Variants in DGKB observed in about 807,000 individuals in gnomAD.
DGKB encodes the protein 90 kDa diacylglycerol kinase.
A neutral mutation model predicts 114.3 loss-of-function variants in DGKB; 67 were observed. The observed-to-expected ratio is 0.59, with a 90% CI of 0.48 to 0.72. DGKB has a LOEUF of 0.72. DGKB is among the 30% of genes least tolerant of loss of function. The probability of loss-of-function intolerance (pLI) is 0.00; values close to 1 mark genes in which losing one functional copy is unlikely to be tolerated. For missense variants in DGKB, 907 were observed against 975.2 expected, an observed-to-expected ratio of 0.93 and a Z score of 0.93; for synonymous variants, 398 against 323.1, an observed-to-expected ratio of 1.23 and a Z score of -2.49.
At chr7:14,518,117 A>G (rs1244685670) in intron 20 of DGKB, among the ~76,000 whole-genome samples, 1 of 152,164 alleles carries the variant, frequency 6.6e-6, no homozygotes, top group East Asian at 1.9e-4. Flanking sequence ...TACACTATGG[A>G]ATACTATGCA....
chr7:14,713,443 G>T (rs1027449049), intron 6 of DGKB, among the ~76,000 whole-genome samples: 1 of 151,938 alleles, frequency 6.6e-6, no homozygotes, highest in African/African-American at 2.4e-5. Context: ...AAAATCAGCT[G>T]CTTAGGTGTG....
At chr7:14,189,711 G>T (rs1279435446) in intron 23 of DGKB, among the ~76,000 whole-genome samples, 1 of 152,064 alleles carries the variant, frequency 6.6e-6, no homozygotes, top group Non-Finnish European at 1.5e-5. Context: ...GATAGAAAAA[G>T]ATATTCCGTG....
At chr7:14,306,027 C>T (rs980188429) in intron 23 of DGKB, among the ~76,000 whole-genome samples, 3 of 152,118 alleles carry the variant, frequency 2.0e-5, no homozygotes, top group African/African-American at 4.8e-5. Context: ...TAGATTTATT[C>T]ATCTAGTTGG....
At chr7:14,570,886 T>G (rs1798282807) in intron 20 of DGKB, among the ~76,000 whole-genome samples, 1 of 152,120 alleles carries the variant, frequency 6.6e-6, no homozygotes, top group Admixed American at 6.5e-5. Flanking sequence ...AAAGGTCAAG[T>G]GTATTTCTGT....
chr7:14,243,787 G>A (rs1794011291), intron 23 of DGKB, among the ~76,000 whole-genome samples: 3 of 151,996 alleles, frequency 2.0e-5, no homozygotes, highest in Admixed American at 2.0e-4. Context: ...CTACAATATT[G>A]TCAGATCTTG....
At chr7:14,298,410 T>C (rs532455725) in intron 23 of DGKB, among the ~76,000 whole-genome samples, 27 of 152,170 alleles carry the variant, frequency 1.8e-4, no homozygotes, top group Non-Finnish European at 3.1e-4. Context: ...CACATATCTA[T>C]AACCATCTGA....
intron 20 of DGKB, among the ~76,000 whole-genome samples, chr7:14,536,578 C>T (rs1021501466): frequency 3.3e-5 from 5 of 152,104 alleles, no homozygotes; most frequent in African/African-American, 1.2e-4. Context: ...AAAACAATCT[C>T]AAAAGATGTT....
intron 20 of DGKB, among the ~76,000 whole-genome samples, chr7:14,558,979 G>A (rs1796264932): frequency 6.6e-6 from 1 of 152,170 alleles, no homozygotes; most frequent in African/African-American, 2.4e-5. Flanking sequence ...TGAAGCAATT[G>A]AACAAAGCAG....
chr7:14,630,379 A>C, intron 13 of DGKB, 111 bp from the exon 14 acceptor site: 1 of 663,474 alleles, frequency 1.5e-6, no homozygotes, highest in Non-Finnish European at 2.4e-6. Context: ...GTAAATTAAA[A>C]ATACATTTCC....
chr7:14,701,290 C>G (rs1563955124), intron 7 of DGKB, among the ~76,000 whole-genome samples: 1 of 152,116 alleles, frequency 6.6e-6, no homozygotes, highest in Non-Finnish European at 1.5e-5. Flanking sequence ...CTTTATACAT[C>G]CTTAAAATTC....
chr7:14,310,393 A>G (rs942806466), intron 23 of DGKB, among the ~76,000 whole-genome samples: 1 of 151,838 alleles, frequency 6.6e-6, no homozygotes, highest in East Asian at 1.9e-4. Context: ...AGAAACATAG[A>G]TGTAGATTTC....
intron 21 of DGKB, among the ~76,000 whole-genome samples, chr7:14,350,873 T>C (rs1813314918): frequency 6.6e-6 from 1 of 152,128 alleles, no homozygotes; most frequent in Non-Finnish European, 1.5e-5. Context: ...AAATTAAATA[T>C]TTAATTACTA....
chr7:14,768,233 G>A lies in DGKB; in HGVS notation c.71-10502C>T, dbSNP rs117647355. ...ACTTTATGCATCCACTCATCTTTATGGTATGTCCGGAGGCATGAAGCTTTA... is the reference window on the plus strand; with the variant it reads ...ACTTTATGCATCCACTCATCTTTATAGTATGTCCGGAGGCATGAAGCTTTA... On this transcript the variant is annotated intron_variant, in intron 2 of 25. Transcript: ENST00000402815. Among the ~76,000 whole-genome samples the A allele has an allele frequency of 1.8e-3, 267 of 151,978 alleles. 5 individuals are homozygous for A. In the East Asian group the frequency reaches 0.044, roughly 25 times the overall value.
intron 1 of DGKB, among the ~76,000 whole-genome samples, chr7:14,916,907 A>C (rs1312948184): frequency 6.6e-6 from 1 of 152,078 alleles, no homozygotes; most frequent in Non-Finnish European, 1.5e-5. Context: ...AACACACCTT[A>C]ACAAATTTAA....
At chr7:14,912,152 A>G (rs140310730) in intron 1 of DGKB, among the ~76,000 whole-genome samples, 173 of 152,248 alleles carry the variant, frequency 1.1e-3, no homozygotes, top group African/African-American at 4.0e-3. Context: ...ATGAACCGGA[A>G]TCTCTCTCTA....
intron 2 of DGKB, among the ~76,000 whole-genome samples, chr7:14,816,064 C>G (rs1485696297): frequency 1.3e-5 from 2 of 152,136 alleles, no homozygotes; most frequent in Non-Finnish European, 2.9e-5. Flanking sequence ...GGCACAGTGG[C>G]TCACGTCTGT....
intron 1 of DGKB, among the ~76,000 whole-genome samples, chr7:14,879,292 A>T (rs1853849410): frequency 6.6e-6 from 1 of 152,006 alleles, no homozygotes. Flanking sequence ...CAGTCTATCT[A>T]AAAAAATATT....
Position 14,176,825 on chromosome 7 carries a change from T to C in DGKB, c.2304+14A>G. The C allele has an allele frequency of 6.2e-7, 1 of 1,606,920 alleles. No homozygotes were observed. Among genetic ancestry groups the C allele is most frequent in the Non-Finnish European group, 8.5e-7 (1 of 1,175,850 alleles). On this transcript the variant is annotated intron_variant, in intron 25 of 25. Coordinates refer to ENST00000402815, the MANE Select transcript of DGKB (RefSeq NM_001350709.2). Reference sequence around the variant, plus strand: ...ACTGAGATTGACATAGCATATCAACTACTCTGTACTCACTGTGCATGGGGT... The same window carrying C: ...ACTGAGATTGACATAGCATATCAACCACTCTGTACTCACTGTGCATGGGGT...
At chr7:14,499,096 G>A (rs1785732887) in intron 20 of DGKB, among the ~76,000 whole-genome samples, 1 of 151,734 alleles carries the variant, frequency 6.6e-6, no homozygotes, top group Admixed American at 6.6e-5. Context: ...AGATAACTCT[G>A]TGGTTCGGTT....
Sources: allele counts gnomAD v4.1 joint callset (sites outside exome capture counted in the v4.1 genomes callset), GRCh38; gene constraint gnomAD v4.1.1; transcripts MANE v1.5; gene names NCBI Gene and HGNC (gene_info 2026-07-23, HGNC 2026-07-21).